HSPA4: variants seen among roughly 807,000 people sequenced by gnomAD.
HSPA4 encodes the protein heat shock 70 kDa protein 4.
In HSPA4, 25 loss-of-function variants were observed where a neutral mutation model predicts 106.2. The observed-to-expected ratio is 0.24, with a 90% confidence interval of 0.17 to 0.33. The LOEUF (loss-of-function observed/expected upper bound fraction) is 0.33, where lower values mean the gene tolerates loss of function less well. Among genes scored for constraint, HSPA4 ranks in the 10% least tolerant of loss-of-function variants. The pLI is 1.00. For missense variants in HSPA4, 841 were observed against 996.0 expected, an observed-to-expected ratio of 0.84 and a Z score of 2.10; for synonymous variants, 332 against 333.6, an observed-to-expected ratio of 1.00 and a Z score of 0.05.
chr5:133,072,392 G>GTTTTTTTGTTTTTTGT (rs1765393184), intron 4 of HSPA4, among the ~76,000 whole-genome samples: 3 of 75,726 alleles, frequency 4.0e-5, no homozygotes, highest in African/African-American at 1.6e-4. Context: ...GTCCAGGGTT[G>GTTTTTTTGTTTTTTGT]TTTTTTTTTT....
Position 133,064,833 on chromosome 5 carries a change from A to G in HSPA4, c.108-147A>G, listed in dbSNP as rs1295310019. ...GTAAGAGGCAACCTGTTCCATGGAC[A>G]GATTTACTCAATAGAAAGGTCAAAA... On this transcript the variant is annotated intron_variant, in intron 1 of 18. Transcript: ENST00000304858. The G allele has an allele frequency of 2.3e-5, 16 of 708,446 alleles. No individual in the cohort carries two copies. The East Asian group carries it at 4.1e-4, about 18-fold the overall frequency. The allele number at this position is 708,446 out of a possible 1,614,324, so 43.9% of individuals were successfully genotyped here. A position where few individuals can be genotyped will look rare whatever the true frequency, so the allele number is the denominator to read the frequency against.
rs762270482 is a variant in HSPA4 at position 133,091,317 on chromosome 5, C to G, written c.1503C>G (p.His501Gln). 101 of 1,613,814 alleles carry G rather than the reference C, an allele frequency of 6.3e-5. No individual in the cohort carries two copies. Among genetic ancestry groups the G allele is most frequent in the Non-Finnish European group, 8.0e-5 (94 of 1,179,934 alleles). ...SVSSASLVEVHKSEENEEPME... is the reference protein window; with the variant it reads ...SVSSASLVEVQKSEENEEPME... ...CCAGTGCATCTTTAGTGGAGGTTCACAAGTCTGAGGAAAATGAGGAGCCAA... is the reference window on the plus strand; with the variant it reads ...CCAGTGCATCTTTAGTGGAGGTTCAGAAGTCTGAGGAAAATGAGGAGCCAA... The change falls in exon 12 of 19, where the codon CAC (histidine) becomes CAG (glutamine). Residue 501 changes from histidine to glutamine, a missense_variant. Coordinates refer to ENST00000304858, the MANE Select transcript of HSPA4 (RefSeq NM_002154.4).
chr5:133,088,795 G>A (rs1159797133), intron 9 of HSPA4, among the ~76,000 whole-genome samples: 1 of 152,134 alleles, frequency 6.6e-6, no homozygotes, highest in African/African-American at 2.4e-5. Context: ...TGGAAGTTTG[G>A]CCTGTTATGT....
At position 133,092,806 on chromosome 5, in the gene HSPA4, G is replaced by GTTTTTTTTGTTT. The variant is rs1765662599; in HGVS notation, c.1650+25_1650+26insGTTTTTTTTTTT. On this transcript the variant is annotated intron_variant, in intron 13 of 18. Transcript: ENST00000304858. Reference sequence around the variant, plus strand: ...GAAATGGAGGTATGCATTGGGTGGTGTTTTTTTTTTTTTTTTTTTTTTTTT... The same window carrying GTTTTTTTTGTTT: ...GAAATGGAGGTATGCATTGGGTGGTGTTTTTTTTGTTTTTTTTTTTTTTTTTTTTTTTTTTTT... 5.3e-4 allele frequency: 252 copies of GTTTTTTTTGTTT among 474,022 alleles called. 2 individuals carry two copies. In the African/African-American group the frequency reaches 8.5e-3, roughly 16 times the overall value. 29.4% of individuals were successfully genotyped at this position (474,022 alleles called of 1,614,324 possible).
Position 133,104,384 on chromosome 5 carries a change from C to CG in HSPA4, c.2471_2472insG (p.Ala825SerfsTer12), listed in dbSNP as rs763407981. 10 of 1,614,032 alleles carry CG rather than the reference C, an allele frequency of 6.2e-6. No homozygotes were observed. The East Asian group carries it at 2.2e-4, about 36-fold the overall frequency. On this transcript the variant is annotated frameshift_variant, in exon 19 of 19. Coordinates refer to ENST00000304858, the MANE Select transcript of HSPA4 (RefSeq NM_002154.4). LOFTEE classifies it high-confidence loss of function. ...CAGGCTGCTGAGCAGGGTACAGACA[C>CG]AGCTGTGCCTTCGGATTCAGACAAG...
Position 133,096,251 on chromosome 5 carries a change from G to A in HSPA4, c.1803+1G>A, listed in dbSNP as rs1765710675. ...GCTCAACTTGTACATTGAAAATGAGGTTGTTATTTAAAGTCTATTGGAACA... is the reference window on the plus strand; with the variant it reads ...GCTCAACTTGTACATTGAAAATGAGATTGTTATTTAAAGTCTATTGGAACA... On this transcript the variant is annotated splice_donor_variant, in intron 14 of 18. Transcript: ENST00000304858. LOFTEE classifies it high-confidence loss of function. The A allele has an allele frequency of 6.2e-7, 1 of 1,611,798 alleles. No individual in the cohort carries two copies.
Position 133,101,748 on chromosome 5 carries a change from C to G in HSPA4, c.2038-11C>G. 1 of 1,605,018 alleles carries G rather than the reference C, an allele frequency of 6.2e-7. No individual in the cohort carries two copies. On this transcript the variant is annotated splice_polypyrimidine_tract_variant and intron_variant, in intron 16 of 18. Transcript: ENST00000304858. ...AACTGCCGTATGAAGACTGTGTATT[C>G]TTCTGTTAAGAATCTAGGTCAACCT...
intron 17 of HSPA4, 97 bp from the exon 18 acceptor site, chr5:133,103,762 TGAAAGA>T: frequency 1.1e-6 from 1 of 919,240 alleles, no homozygotes; most frequent in Non-Finnish European, 1.6e-6. Flanking sequence ...CTTTATTTTT[TGAAAGA>T]TTATAAGTTT....
At chr5:133,055,092 A>AT (rs1246546679) in intron 1 of HSPA4, among the ~76,000 whole-genome samples, 1 of 152,182 alleles carries the variant, frequency 6.6e-6, no homozygotes, top group Non-Finnish European at 1.5e-5. Flanking sequence ...AGACATTGTG[A>AT]TATATATGAC....
At position 133,065,023 on chromosome 5, in the gene HSPA4, G is replaced by C. The variant is rs1161454096; in HGVS notation, c.151G>C (p.Ala51Pro). 1 of 1,613,960 alleles carries C rather than the reference G, an allele frequency of 6.2e-7. No homozygotes were observed. The highest frequency in any genetic ancestry group is 8.5e-7 in the Non-Finnish European group (1 of 1,179,884). Residue 51 changes from alanine to proline, a missense_variant, in exon 2 of 19, where the codon GCA (alanine) becomes CCA (proline). By Grantham distance (27) the Ala-to-Pro change is conservative. Coordinates refer to ENST00000304858, the MANE Select transcript of HSPA4 (RefSeq NM_002154.4). ...TCCTAAGAATCGTTCAATTGGAGCA[G>C]CAGCTAAAAGCCAGGTAAAGTTTCA... Reference protein sequence around the residue: ...FGPKNRSIGAAAKSQVISNAK... With the variant: ...FGPKNRSIGAPAKSQVISNAK...
intron 13 of HSPA4, among the ~76,000 whole-genome samples, chr5:133,093,717 C>T (rs1765678688): frequency 1.3e-5 from 2 of 152,098 alleles, no homozygotes; most frequent in African/African-American, 4.8e-5. Flanking sequence ...TGTTGAACTC[C>T]TGACCTCAAG....
chr5:133,076,252 T>C (rs1027040466), intron 6 of HSPA4: 3 of 168,032 alleles, frequency 1.8e-5, no homozygotes, highest in Admixed American at 1.7e-4. Context: ...TACTCAGTTT[T>C]GTGATACTGA....
At chr5:133,098,865 G>A (rs1484938088) in intron 15 of HSPA4, among the ~76,000 whole-genome samples, 5 of 150,438 alleles carry the variant, frequency 3.3e-5, no homozygotes, top group African/African-American at 4.9e-5. Flanking sequence ...TAGAGACGGG[G>A]TTTCACCATG....
intron 16 of HSPA4, 164 bp from the exon 17 acceptor site, chr5:133,101,595 T>A (rs1765785449): frequency 1.6e-6 from 1 of 608,212 alleles, no homozygotes; most frequent in African/African-American, 1.9e-5. Context: ...TATAGTTTCA[T>A]TCCCCTCCTG....
At chr5:133,095,254 A>G (rs1765696249) in intron 13 of HSPA4, among the ~76,000 whole-genome samples, 1 of 152,208 alleles carries the variant, frequency 6.6e-6, no homozygotes, top group African/African-American at 2.4e-5. Flanking sequence ...GTGAGCTCAG[A>G]TTGTGCCATT....
chr5:133,093,152 A>ACT (rs1418523138), intron 13 of HSPA4, among the ~76,000 whole-genome samples: 1 of 151,788 alleles, frequency 6.6e-6, no homozygotes, highest in Non-Finnish European at 1.5e-5. Context: ...TAGAGTATGC[A>ACT]CTGCAGTCTT....
At chr5:133,095,061 A>G (rs529434749) in intron 13 of HSPA4, among the ~76,000 whole-genome samples, 1 of 152,366 alleles carries the variant, frequency 6.6e-6, no homozygotes, top group Admixed American at 6.5e-5. Flanking sequence ...CCTGTAATCC[A>G]GCACTTTGGG....
chr5:133,066,479 A>G (rs564476732), intron 2 of HSPA4, among the ~76,000 whole-genome samples: 5 of 152,280 alleles, frequency 3.3e-5, no homozygotes, highest in South Asian at 4.1e-4. Context: ...CACCTGTTCA[A>G]CCATTATCCA....
intron 3 of HSPA4, 145 bp from the exon 4 acceptor site, chr5:133,070,229 C>G: frequency 2.6e-6 from 2 of 769,434 alleles, no homozygotes; most frequent in South Asian, 1.6e-5. Context: ...GGTATTACTT[C>G]GAAAACTAGC....
Sources: allele counts gnomAD v4.1 joint callset (sites outside exome capture counted in the v4.1 genomes callset), GRCh38; gene constraint gnomAD v4.1.1; transcripts MANE v1.5; gene names NCBI Gene and HGNC (gene_info 2026-07-23, HGNC 2026-07-21).